Variants in ANAPC10 observed in about 807,000 individuals in gnomAD.
ANAPC10 encodes anaphase-promoting complex subunit 10.
In ANAPC10, 12 loss-of-function variants were observed where a neutral mutation model predicts 22.0. The observed-to-expected ratio is 0.55, with a 90% CI of 0.35 to 0.88. ANAPC10 has a LOEUF of 0.88. ANAPC10 is among the 40% of genes least tolerant of loss of function. The pLI, the probability that ANAPC10 is intolerant of heterozygous loss-of-function variation, is 0.01. For synonymous variants in ANAPC10, 65 were observed against 69.5 expected (o/e 0.94, Z 0.32); for missense variants, 188 against 220.9 (o/e 0.85, Z 0.94).
intron 3 of ANAPC10, among the ~76,000 whole-genome samples, chr4:145,068,860 A>C (rs1744082567): frequency 6.6e-6 from 1 of 152,230 alleles, no homozygotes; most frequent in South Asian, 2.1e-4. Context: ...CTGTGAGCCA[A>C]GATTGCGCTA....
At chr4:145,029,033 T>C (rs1226014093) in intron 4 of ANAPC10, among the ~76,000 whole-genome samples, 3 of 152,140 alleles carry the variant, frequency 2.0e-5, no homozygotes, top group Non-Finnish European at 4.4e-5. Flanking sequence ...CAACGAAAGA[T>C]GCATGTACAG....
At chr4:145,046,654 A>T (rs1209669126) in intron 4 of ANAPC10, among the ~76,000 whole-genome samples, 1 of 152,118 alleles carries the variant, frequency 6.6e-6, no homozygotes, top group East Asian at 1.9e-4. Context: ...AAAGAATTAA[A>T]TCTGTATATC....
rs1024922287 is a variant in ANAPC10 at position 145,075,633 on chromosome 4, T to A, written c.206+6027A>T. Among the ~76,000 whole-genome samples, 35 of 152,136 alleles carry A rather than the reference T, an allele frequency of 2.3e-4. 1 individual carries two copies. The highest frequency in any genetic ancestry group is 3.4e-4 in the Non-Finnish European group (23 of 68,020). Reference sequence around the variant, plus strand: ...TGGGGTTGCTGAGCACCAGGACTCATTTCTGGCCCTGAGCAGCTCCTGGGG... The same window carrying A: ...TGGGGTTGCTGAGCACCAGGACTCAATTCTGGCCCTGAGCAGCTCCTGGGG... On this transcript the variant is annotated intron_variant, in intron 3 of 4. Transcript: ENST00000507656.
intron 4 of ANAPC10, among the ~76,000 whole-genome samples, chr4:145,015,306 C>T (rs1157278044): frequency 6.6e-6 from 1 of 151,680 alleles, no homozygotes; most frequent in Non-Finnish European, 1.5e-5. Flanking sequence ...TGGAAAGTCT[C>T]AGCAATAGAA....
At chr4:145,011,387 A>AAAATAAAATAAAATAAAATAAAATT (rs1560819890) in intron 4 of ANAPC10, among the ~76,000 whole-genome samples, 3 of 151,372 alleles carry the variant, frequency 2.0e-5, no homozygotes, top group Non-Finnish European at 4.4e-5. Flanking sequence ...AAAATAAAAT[A>AAAATAAAATAAAATAAAATAAAATT]AAATTCAAGA....
chr4:145,018,108 A>ATC lies in ANAPC10; in HGVS notation c.328-22506_328-22505insGA. Among the ~76,000 whole-genome samples, 8 of 142,598 alleles carry ATC rather than the reference A, an allele frequency of 5.6e-5. 1 individual carries two copies. In the South Asian group the frequency reaches 1.8e-3, roughly 32 times the overall value. The allele number at this position is 142,598 out of a possible 152,430, so 93.5% of individuals were successfully genotyped here. The stretch of plus-strand genomic sequence containing the variant: ...GTTGTGCACATGTACCCTAGAACTT[A>ATC]GAGTATAATAAAAAAAATATATATA... On this transcript the variant is annotated intron_variant, in intron 4 of 4. Coordinates refer to ENST00000507656, the MANE Select transcript of ANAPC10 (RefSeq NM_001256706.2).
chr4:145,036,585 G>A (rs893245047), intron 4 of ANAPC10, among the ~76,000 whole-genome samples: 1 of 152,062 alleles, frequency 6.6e-6, no homozygotes, highest in African/African-American at 2.4e-5. Context: ...CTGGGCTCAA[G>A]CAATCCTTCT....
chr4:145,001,239 TGAGG>T (rs1175458150), intron 4 of ANAPC10, among the ~76,000 whole-genome samples: 66 of 43,046 alleles, frequency 1.5e-3, no homozygotes, highest in Admixed American at 2.1e-3. Flanking sequence ...AAGGAGGGAG[TGAGG>T]GAGGGAGGGA....
chr4:144,998,747 A>T (rs1732027852), intron 4 of ANAPC10, among the ~76,000 whole-genome samples: 1 of 152,304 alleles, frequency 6.6e-6, no homozygotes, highest in Admixed American at 6.5e-5. Context: ...AGCCAGCAGA[A>T]GGCAAAAAAT....
At chr4:145,007,312 T>C (rs1032684763) in intron 4 of ANAPC10, among the ~76,000 whole-genome samples, 1 of 152,072 alleles carries the variant, frequency 6.6e-6, no homozygotes, top group Non-Finnish European at 1.5e-5. Flanking sequence ...CATAGAACTC[T>C]CCACCCCAGA....
intron 4 of ANAPC10, among the ~76,000 whole-genome samples, chr4:145,048,684 G>A (rs1301000460): frequency 1.3e-5 from 2 of 151,758 alleles, no homozygotes; most frequent in Admixed American, 6.6e-5. Flanking sequence ...CTAAAACAAT[G>A]CTGCCAAAGA....
chr4:145,077,116 G>A (rs987787464), intron 3 of ANAPC10, among the ~76,000 whole-genome samples: 3 of 152,040 alleles, frequency 2.0e-5, no homozygotes, highest in Admixed American at 6.5e-5. Flanking sequence ...GGAGAATGGC[G>A]TGAAACCGGG....
At chr4:144,999,028 A>C (rs191754880) in intron 4 of ANAPC10, among the ~76,000 whole-genome samples, 21 of 152,328 alleles carry the variant, frequency 1.4e-4, no homozygotes, top group Admixed American at 2.6e-4. Flanking sequence ...GAAATGGATA[A>C]ATTCCTGGAC....
intron 2 of ANAPC10, among the ~76,000 whole-genome samples, chr4:145,091,247 T>C (rs1011661906): frequency 6.6e-6 from 1 of 152,204 alleles, no homozygotes; most frequent in African/African-American, 2.4e-5. Flanking sequence ...TGGTGACATG[T>C]GTTGCTCTCT....
chr4:145,046,561 A>G (rs1740324076), intron 4 of ANAPC10, among the ~76,000 whole-genome samples: 1 of 152,134 alleles, frequency 6.6e-6, no homozygotes, highest in Non-Finnish European at 1.5e-5. Context: ...TGAAGTTATT[A>G]GCTAAATACT....
chr4:145,015,693 T>C (rs1036477921), intron 4 of ANAPC10, among the ~76,000 whole-genome samples: 2 of 152,128 alleles, frequency 1.3e-5, no homozygotes, highest in Non-Finnish European at 2.9e-5. Context: ...GAGACAAAAG[T>C]ACCAGGTAAC....
rs1168089903 is a variant in ANAPC10, at chr4:145,095,367, TCACTTTGTCCAGCACATCCAC to T, written c.115+597_115+617del. The stretch of plus-strand genomic sequence containing the variant: ...TCCATCCCACCCAAGACATAAATCA[TCACTTTGTCCAGCACATCCAC>T]CACTTTGTCCAGCACATCCACCACT... On this transcript the variant is annotated intron_variant, in intron 2 of 4. Coordinates refer to ENST00000507656, the MANE Select transcript of ANAPC10 (RefSeq NM_001256706.2). Among the ~76,000 whole-genome samples, 176 of 152,248 alleles carry T rather than the reference TCACTTTGTCCAGCACATCCAC, an allele frequency of 1.2e-3. 1 individual carries two copies. Among genetic ancestry groups the T allele is most frequent in the Middle Eastern group, 3.4e-3 (1 of 294 alleles).
intron 3 of ANAPC10, among the ~76,000 whole-genome samples, chr4:145,075,995 C>A (rs1181920387): frequency 6.6e-6 from 1 of 152,196 alleles, no homozygotes. Context: ...GTCTGCCAGT[C>A]TCTCCCAGGG....
intron 4 of ANAPC10, among the ~76,000 whole-genome samples, chr4:145,055,212 A>G (rs567999835): frequency 6.6e-6 from 1 of 152,318 alleles, no homozygotes; most frequent in Non-Finnish European, 1.5e-5. Context: ...AGATGAATAG[A>G]TAAGCAAAAT....
Sources: gnomAD v4.1 joint callset for allele counts (sites outside exome capture counted in the v4.1 genomes callset) on GRCh38, gnomAD v4.1.1 for gene constraint, MANE v1.5 for transcripts, NCBI Gene and HGNC (gene_info 2026-07-23, HGNC 2026-07-21) for gene names.